Variants in NPAS3 observed in about 807,000 individuals in gnomAD.
NPAS3 encodes the protein neuronal PAS domain protein 3.
NPAS3 carries 14 observed loss-of-function variants against 73.1 expected under a neutral mutation model. The ratio of observed to expected loss-of-function variants is 0.19; its 90% CI spans 0.13 to 0.30. NPAS3 has a LOEUF of 0.30. Ranked by LOEUF, NPAS3 falls within the 10% of genes least tolerant of loss-of-function variation. The probability of loss-of-function intolerance (pLI) is 1.00; values close to 1 mark genes in which losing one functional copy is unlikely to be tolerated. For missense variants in NPAS3, 1,096 were observed against 1,250.0 expected (o/e 0.88, Z 1.86); for synonymous variants, 620 against 541.5 (o/e 1.14, Z -2.01).
intron 3 of NPAS3, among the ~76,000 whole-genome samples, chr14:33,332,245 T>G (rs888807954): frequency 1.3e-5 from 2 of 152,190 alleles, no homozygotes; most frequent in Non-Finnish European, 2.9e-5. Context: ...TTGCTTGGCT[T>G]GACCTCTTAA....
intron 1 of NPAS3, among the ~76,000 whole-genome samples, chr14:32,988,066 A>C (rs1036517291): frequency 3.3e-5 from 5 of 152,166 alleles, no homozygotes; most frequent in Non-Finnish European, 7.4e-5. Context: ...TAACAATAAC[A>C]ATTTCAATAA....
chr14:33,388,456 A>C (rs898131878), intron 4 of NPAS3, among the ~76,000 whole-genome samples: 16 of 151,854 alleles, frequency 1.1e-4, no homozygotes, highest in African/African-American at 3.9e-4. Flanking sequence ...GTGAAAAAAA[A>C]ATTAATTTGG....
At chr14:33,215,009 A>T (rs1336089873) in intron 2 of NPAS3, 173 bp from the exon 3 acceptor site, 1 of 640,888 alleles carries the variant, frequency 1.6e-6, no homozygotes, top group Non-Finnish European at 2.7e-6. Context: ...CCAGAGTTAG[A>T]GTTTATGGCT....
At chr14:33,017,288 C>T (rs12586846) in intron 1 of NPAS3, among the ~76,000 whole-genome samples, 80,129 of 151,938 alleles carry the variant, frequency 0.53, 23,954 homozygotes, top group Non-Finnish European at 0.68. Flanking sequence ...CATTAGATGC[C>T]AGCCAGGATG....
intron 6 of NPAS3, among the ~76,000 whole-genome samples, chr14:33,729,760 T>C (rs1053175237): frequency 6.6e-6 from 1 of 152,128 alleles, no homozygotes; most frequent in African/African-American, 2.4e-5. Flanking sequence ...TTCCACCATA[T>C]GCTCATTATT....
At chr14:32,939,473 G>T in intron 1 of NPAS3, 107 bp downstream of exon 1, 1 of 276,598 alleles carries the variant, frequency 3.6e-6, no homozygotes, top group East Asian at 9.1e-5. Context: ...CCTGGGCCGC[G>T]AGCCCGCGGG....
Position 33,435,047 on chromosome 14 carries a change from C to T in NPAS3, c.468+67779C>T, listed in dbSNP as rs1369202724. Among the ~76,000 whole-genome samples the T allele has an allele frequency of 3.9e-5, 6 of 152,172 alleles. No individual in the cohort carries two copies. The East Asian group carries it at 9.6e-4, about 24-fold the overall frequency. On this transcript the variant is annotated intron_variant, in intron 4 of 11. Coordinates refer to ENST00000356141, the Ensembl canonical transcript of NPAS3. ...ACCTGCAGATTGGAGATGTTTAATTCAGTGATCTTAGTCTCTCAGACTTCT... is the reference window on the plus strand; with the variant it reads ...ACCTGCAGATTGGAGATGTTTAATTTAGTGATCTTAGTCTCTCAGACTTCT...
intron 2 of NPAS3, among the ~76,000 whole-genome samples, chr14:33,081,444 T>C (rs2041860626): frequency 6.6e-6 from 1 of 152,202 alleles, no homozygotes; most frequent in Admixed American, 6.5e-5. Flanking sequence ...CAGGAAGAGC[T>C]GTTCCACTTC....
chr14:33,171,762 A>G (rs914554831), intron 2 of NPAS3, among the ~76,000 whole-genome samples: 7 of 152,236 alleles, frequency 4.6e-5, no homozygotes, highest in Admixed American at 3.9e-4. Context: ...TGCACTCACA[A>G]TGTGGCTAAC....
intron 4 of NPAS3, among the ~76,000 whole-genome samples, chr14:33,374,484 G>GT (rs35653493): frequency 0.27 from 41,065 of 151,260 alleles, 6,660 homozygotes; most frequent in Non-Finnish European, 0.38. Context: ...TCTACCAGAA[G>GT]TTTTTTTTAA....
intron 3 of NPAS3, among the ~76,000 whole-genome samples, chr14:33,343,928 G>A (rs2044610000): frequency 6.6e-6 from 1 of 152,148 alleles, no homozygotes. Context: ...ATTTCTGGTA[G>A]CACCAAGTGT....
intron 2 of NPAS3, among the ~76,000 whole-genome samples, chr14:33,065,824 A>C (rs2041258838): frequency 6.6e-6 from 1 of 151,954 alleles, no homozygotes; most frequent in Admixed American, 6.6e-5. Context: ...TTTCCTGACT[A>C]TTGCCTGTCA....
intron 5 of NPAS3, among the ~76,000 whole-genome samples, chr14:33,655,766 C>A (rs1156836358): frequency 6.6e-6 from 1 of 152,002 alleles, no homozygotes; most frequent in Non-Finnish European, 1.5e-5. Flanking sequence ...TTGAAGAGTA[C>A]AAGACTGCAA....
intron 1 of NPAS3, among the ~76,000 whole-genome samples, chr14:33,044,814 T>A (rs2040451599): frequency 6.6e-6 from 1 of 152,066 alleles, no homozygotes; most frequent in Non-Finnish European, 1.5e-5. Flanking sequence ...GTGTATTAGT[T>A]AGGAAGCTAA....
At chr14:33,680,909 C>CATTAGGATCATCATTATAGT (rs2059917928) in intron 6 of NPAS3, 2 of 476,268 alleles carry the variant, frequency 4.2e-6, no homozygotes, top group Admixed American at 7.7e-5. Context: ...TGTTTTGTGG[C>CATTAGGATCATCATTATAGT]ATTAGGATCA....
At chr14:33,485,535 G>T (rs2051542609) in intron 4 of NPAS3, among the ~76,000 whole-genome samples, 1 of 152,040 alleles carries the variant, frequency 6.6e-6, no homozygotes, top group South Asian at 2.1e-4. Context: ...GGATTTAGAG[G>T]TCCCCCGACT....
Position 33,418,451 on chromosome 14 carries a change from T to C in NPAS3, c.468+51183T>C, listed in dbSNP as rs543077204. ...GCCAGAAAATTTTCACAGAGATATC[T>C]CCTAAGGCACTGAAAATAAACTGCT... is the stretch of plus-strand genomic sequence containing the variant. On this transcript the variant is annotated intron_variant, in intron 4 of 11. Coordinates refer to ENST00000356141, the Ensembl canonical transcript of NPAS3. Among the ~76,000 whole-genome samples, 3 of 152,004 alleles carry C rather than the reference T, an allele frequency of 2.0e-5. No individual in the cohort carries two copies. In the East Asian group the frequency reaches 5.8e-4, roughly 30 times the overall value.
intron 2 of NPAS3, among the ~76,000 whole-genome samples, chr14:33,202,132 T>G (rs2046642279): frequency 6.6e-6 from 1 of 152,200 alleles, no homozygotes; most frequent in African/African-American, 2.4e-5. Context: ...CCTAGTGTGT[T>G]GGCGCACACC....
chr14:33,011,503 G>A (rs2039194443), intron 1 of NPAS3, among the ~76,000 whole-genome samples: 1 of 151,938 alleles, frequency 6.6e-6, no homozygotes, highest in Non-Finnish European at 1.5e-5. Flanking sequence ...AGAGACTTGT[G>A]GAGAACATTG....
Sources: gnomAD v4.1 joint callset for allele counts (sites outside exome capture counted in the v4.1 genomes callset) on GRCh38, gnomAD v4.1.1 for gene constraint, MANE v1.5 for transcripts, NCBI Gene and HGNC (gene_info 2026-07-23, HGNC 2026-07-21) for gene names.